Variants in ZKSCAN2 observed in about 807,000 individuals in gnomAD.
The protein encoded by ZKSCAN2 is zinc finger protein with KRAB and SCAN domains 2.
ZKSCAN2 carries 38 observed loss-of-function variants against 90.5 expected under a neutral mutation model. That is an observed-to-expected ratio of 0.42 (90% CI 0.32 to 0.55). ZKSCAN2 has a LOEUF of 0.55. ZKSCAN2 is among the 20% of genes least tolerant of loss of function. The pLI is 0.11. For missense variants in ZKSCAN2, 1,167 were observed against 1,202.6 expected, an observed-to-expected ratio of 0.97 and a Z score of 0.44; for synonymous variants, 429 against 421.6, an observed-to-expected ratio of 1.02 and a Z score of -0.22.
In ZKSCAN2 at chr16:25,240,115, T is replaced by C. The variant is rs1256675118; in HGVS notation, c.2605A>G (p.Thr869Ala). The change falls in exon 7 of 7, where the codon ACC becomes GCC. Residue 869 changes from threonine to alanine, a missense_variant. Coordinates refer to ENST00000328086, the MANE Select transcript of ZKSCAN2 (RefSeq NM_001012981.5). Reference sequence around the variant, plus strand: ...TGGGCGCTGAAATGAGAACTGTTGGTGAAACTTTTCCCACACTCTCCACAC... The same window carrying C: ...TGGGCGCTGAAATGAGAACTGTTGGCGAAACTTTTCCCACACTCTCCACAC... ...YQCGECGKSF[T>A]NSSHFSAHRR... 2 of 1,613,894 alleles carry C rather than the reference T, an allele frequency of 1.2e-6. No homozygotes were observed. The highest frequency in any genetic ancestry group is 1.7e-6 in the Non-Finnish European group (2 of 1,179,990).
intron 5 of ZKSCAN2, among the ~76,000 whole-genome samples, chr16:25,245,783 A>T (rs1370663588): frequency 6.6e-6 from 1 of 152,108 alleles, no homozygotes. Context: ...AAAAAAAAAA[A>T]AAAAGAATTT....
chr16:25,254,112 T>C (rs1309736414), intron 2 of ZKSCAN2, among the ~76,000 whole-genome samples: 7 of 152,222 alleles, frequency 4.6e-5, no homozygotes, highest in Non-Finnish European at 8.8e-5. Flanking sequence ...GAGCTAGGTT[T>C]TGAATCTAGG....
At position 25,257,454 on chromosome 16, in the gene ZKSCAN2, G is replaced by C. The variant is rs922030837; in HGVS notation, c.-327C>G. On this transcript the variant is annotated 5_prime_UTR_variant, in exon 1 of 7. Transcript: ENST00000328086. ...CTGGGAGAAAAATGAAGCAGGCTGA[G>C]GAAAGGCTGGGCGGAGGCGGACAGC... 3 of 1,044,936 alleles carry C rather than the reference G, an allele frequency of 2.9e-6. No homozygotes were observed. Among genetic ancestry groups the C allele is most frequent in the Admixed American group, 5.5e-5 (1 of 18,220 alleles). 64.7% of individuals were successfully genotyped at this position (1,044,936 alleles called of 1,614,324 possible).
At chr16:25,252,077 C>A in intron 3 of ZKSCAN2, 42 bp from the exon 4 acceptor site, 7 of 1,608,122 alleles carry the variant, frequency 4.4e-6, no homozygotes, top group Non-Finnish European at 5.9e-6. Flanking sequence ...GATAACTGCA[C>A]AGGTCTTCAA....
At position 25,253,421 on chromosome 16, in the gene ZKSCAN2, C is replaced by T. The variant is rs550091712; in HGVS notation, c.587-384G>A. Among the ~76,000 whole-genome samples, 4 of 151,760 alleles carry T rather than the reference C, an allele frequency of 2.6e-5. No homozygotes were observed. The East Asian group carries it at 7.8e-4, about 29-fold the overall frequency. ...CTTCCCCAGCCTTCCTTTCCCCCTCCCTTCCCTTTTCTCCCTTCCTCTCTC... is the reference window on the plus strand; with the variant it reads ...CTTCCCCAGCCTTCCTTTCCCCCTCTCTTCCCTTTTCTCCCTTCCTCTCTC... On this transcript the variant is annotated intron_variant, in intron 2 of 6. Coordinates refer to ENST00000328086, the MANE Select transcript of ZKSCAN2 (RefSeq NM_001012981.5).
In ZKSCAN2 at chr16:25,238,297, G is replaced by A. The variant is rs1298692232; in HGVS notation, c.*1519C>T. On this transcript the variant is annotated 3_prime_UTR_variant, in exon 7 of 7. Transcript: ENST00000328086. ...CTCCGGTTCCCTTCCCATTAAACTT[G>A]TGACTTCTCCCTTGCCAAAGCAAAG... The A allele has an allele frequency of 6.6e-6, 1 of 152,224 alleles. No individual in the cohort carries two copies. The highest frequency in any genetic ancestry group is 1.5e-5 in the Non-Finnish European group (1 of 68,032). The allele number at this position is 152,224 out of a possible 1,614,324, so 9.4% of individuals were successfully genotyped here.
At chr16:25,244,964 T>C (rs965097978) in intron 5 of ZKSCAN2, among the ~76,000 whole-genome samples, 31 of 152,230 alleles carry the variant, frequency 2.0e-4, no homozygotes, top group African/African-American at 7.5e-4. Flanking sequence ...CTCTATCCTC[T>C]ATCTTACTAG....
At chr16:25,242,513 C>G (rs953560313) in intron 6 of ZKSCAN2, among the ~76,000 whole-genome samples, 2 of 152,150 alleles carry the variant, frequency 1.3e-5, no homozygotes, top group African/African-American at 4.8e-5. Flanking sequence ...CTCACCATGT[C>G]TGGGAGATCT....
chr16:25,257,623 G>T lies in ZKSCAN2; in HGVS notation c.-496C>A. 1 of 503,798 alleles carries T rather than the reference G, an allele frequency of 2.0e-6. No homozygotes were observed. Among genetic ancestry groups the T allele is most frequent in the Non-Finnish European group, 2.6e-6 (1 of 390,094 alleles). The allele number at this position is 503,798 out of a possible 1,614,324, so 31.2% of individuals were successfully genotyped here. On this transcript the variant is annotated 5_prime_UTR_variant, in exon 1 of 7. Coordinates refer to ENST00000328086, the MANE Select transcript of ZKSCAN2 (RefSeq NM_001012981.5). ...GCAGCACGTCCAGGCCGCCGCGGGT[G>T]CCGCTGGGGCCGCCGGATTCCGAGA...
At chr16:25,255,165 C>T (rs772319772) in intron 2 of ZKSCAN2, 41 bp downstream of exon 2, 4 of 1,550,604 alleles carry the variant, frequency 2.6e-6, no homozygotes, top group Non-Finnish European at 3.5e-6. Flanking sequence ...GAAATCTGCC[C>T]CAGCCTCTGC....
At position 25,240,127 on chromosome 16, in the gene ZKSCAN2, C is replaced by A; in HGVS notation, c.2593G>T (p.Gly865Trp). The change falls in exon 7 of 7, where the codon GGG becomes TGG. Residue 865 changes from glycine (G) to tryptophan (W), a missense_variant. Transcript: ENST00000328086. Reference sequence around the variant, plus strand: ...TGAGAACTGTTGGTGAAACTTTTCCCACACTCTCCACACTGATAGGGCTTC... The same window carrying A: ...TGAGAACTGTTGGTGAAACTTTTCCAACACTCTCCACACTGATAGGGCTTC... ...GEKPYQCGEC[G>W]KSFTNSSHFS... 1 of 1,613,858 alleles carries A rather than the reference C, an allele frequency of 6.2e-7. No individual in the cohort carries two copies. Among genetic ancestry groups the A allele is most frequent in the Non-Finnish European group, 8.5e-7 (1 of 1,179,998 alleles).
chr16:25,254,794 CT>C (rs1179877943), intron 2 of ZKSCAN2, among the ~76,000 whole-genome samples: 1,775 of 132,470 alleles, frequency 0.013, 19 homozygotes, highest in African/African-American at 0.034. Flanking sequence ...CAGTTTGGAT[CT>C]TTTTTTTTTT....
Position 25,247,282 on chromosome 16 carries a change from T to C in ZKSCAN2, c.914A>G (p.Tyr305Cys). Residue 305 changes from tyrosine (Y) to cysteine (C), a missense_variant, in exon 5 of 7, where the codon TAC becomes TGC. Physicochemically the swap from Tyr to Cys is radical, Grantham distance 194 (BLOSUM62 -2). Transcript: ENST00000328086. The stretch of plus-strand genomic sequence containing the variant: ...AGCATGAACTGACTTTTCCTTGACG[T>C]AGTTGCTTCGTAGGATACTTCTCTT... Reference protein sequence around the residue: ...SNKRSILRSNYVKEKSVHAIQ... With the variant: ...SNKRSILRSNCVKEKSVHAIQ... 6.2e-7 allele frequency: 1 copy of C among 1,614,180 alleles called. No individual in the cohort carries two copies. The highest frequency in any genetic ancestry group is 8.5e-7 in the Non-Finnish European group (1 of 1,180,034).
At position 25,236,783 on chromosome 16, in the gene ZKSCAN2, G is replaced by A. The variant is rs1372730430; in HGVS notation, c.*3033C>T. The A allele has an allele frequency of 6.6e-6, 1 of 152,176 alleles. No individual in the cohort carries two copies. Among genetic ancestry groups the A allele is most frequent in the East Asian group, 1.9e-4 (1 of 5,192 alleles). The allele number at this position is 152,176 out of a possible 1,614,324, so 9.4% of individuals were successfully genotyped here. A position where few individuals can be genotyped will look rare whatever the true frequency, so the allele number is the denominator to read the frequency against. On this transcript the variant is annotated 3_prime_UTR_variant, in exon 7 of 7. Coordinates refer to ENST00000328086, the MANE Select transcript of ZKSCAN2 (RefSeq NM_001012981.5). ...CTGGTAAGAACTGGAGGTATTTGTGGCAGTAACAAAGCAAGCCTAGGTGGG... is the reference window on the plus strand; with the variant it reads ...CTGGTAAGAACTGGAGGTATTTGTGACAGTAACAAAGCAAGCCTAGGTGGG...
chr16:25,247,515 G>T, intron 4 of ZKSCAN2, 125 bp from the exon 5 acceptor site: 1 of 707,440 alleles, frequency 1.4e-6, no homozygotes, highest in Non-Finnish European at 2.3e-6. Context: ...CTGTGACACT[G>T]CACATTTATT....
At chr16:25,255,719 T>C (rs1324090803) in intron 1 of ZKSCAN2, among the ~76,000 whole-genome samples, 1 of 152,178 alleles carries the variant, frequency 6.6e-6, no homozygotes, top group Non-Finnish European at 1.5e-5. Flanking sequence ...GTAGCTGGGA[T>C]TACAGGCATG....
In ZKSCAN2 at chr16:25,240,059, G is replaced by C; in HGVS notation, c.2661C>G (p.Tyr887Ter). 6.2e-7 allele frequency: 1 copy of C among 1,613,786 alleles called. No individual in the cohort carries two copies. The highest frequency in any genetic ancestry group is 8.5e-7 in the Non-Finnish European group (1 of 1,179,954). Reference protein sequence around the residue: ...HRRVHTGENPYKCVDCEKSFN... With the variant: ...HRRVHTGENP ...AACTTTTTTCACAGTCCACACATTTGTAGGGATTCTCCCCAGTGTGAACTC... is the reference window on the plus strand; with the variant it reads ...AACTTTTTTCACAGTCCACACATTTCTAGGGATTCTCCCCAGTGTGAACTC... The change falls in exon 7 of 7, where the codon TAC (tyrosine) becomes TAG (stop). Residue 887 changes from tyrosine (Y) to a stop codon, truncating the protein, a stop_gained. Transcript: ENST00000328086. LOFTEE classifies it low-confidence loss of function (END_TRUNC).
chr16:25,248,066 A>G (rs1354876104), intron 4 of ZKSCAN2, among the ~76,000 whole-genome samples: 2 of 151,984 alleles, frequency 1.3e-5, no homozygotes, highest in Admixed American at 6.6e-5. Context: ...GTGAAACTGG[A>G]CCCCTGTCTT....
At position 25,256,870 on chromosome 16, in the gene ZKSCAN2, C is replaced by T; in HGVS notation, c.258G>A (p.Glu86=). 3 of 1,614,242 alleles carry T rather than the reference C, an allele frequency of 1.9e-6. No homozygotes were observed. The highest frequency in any genetic ancestry group is 1.7e-6 in the Non-Finnish European group (2 of 1,180,050). Reference sequence around the variant, plus strand: ...TGAGAAACTGCTCAATCACCAGCAGCTCAAGTATTTGCTCCTTGGAACGCA... The same window carrying T: ...TGAGAAACTGCTCAATCACCAGCAGTTCAAGTATTTGCTCCTTGGAACGCA... ...PEMRSKEQIL[E]LLVIEQFLTI... The change falls in exon 1 of 7, where the codon GAG becomes GAA. Residue 86 remains glutamate (E), a synonymous_variant. Coordinates refer to ENST00000328086, the MANE Select transcript of ZKSCAN2 (RefSeq NM_001012981.5).
Sources: allele counts gnomAD v4.1 joint callset (sites outside exome capture counted in the v4.1 genomes callset), GRCh38; gene constraint gnomAD v4.1.1; transcripts MANE v1.5; gene names NCBI Gene and HGNC (gene_info 2026-07-23, HGNC 2026-07-21).